Variants in HEXB observed in about 807,000 individuals in gnomAD.
The protein encoded by HEXB is hexosaminidase subunit beta, also known as beta-hexosaminidase subunit beta.
HEXB carries 51 observed loss-of-function variants against 71.2 expected under a neutral mutation model. That is an observed-to-expected ratio of 0.72 (90% CI 0.57 to 0.90). HEXB has a LOEUF of 0.90. Ranked by LOEUF, HEXB falls within the 40% of genes least tolerant of loss-of-function variation. HEXB has a pLI of 0.00. For missense variants in HEXB, 617 were observed against 677.0 expected (o/e 0.91, Z 0.98); for synonymous variants, 266 against 249.3 (o/e 1.07, Z -0.63).
intron 10 of HEXB, 59 bp downstream of exon 10, chr5:74,718,422 G>C: frequency 7.8e-7 from 1 of 1,285,820 alleles, no homozygotes; most frequent in Admixed American, 1.7e-5. Context: ...TTTTCTTGGG[G>C]CAACTGGGAA....
rs1196864057 is a variant in HEXB at position 74,652,188 on chromosome 5, C to T, written c.-377+11630C>T. On this transcript the variant is annotated intron_variant, in intron 1 of 13. Coordinates refer to the HEXB transcript ENST00000511181. This position sits in a 1 kb window ranked among gnomAD's most constrained non-coding sequence, Gnocchi z 5.4. ...AATAATTAATGTCCATTTAGAGTCA[C>T]AGTGGTTTACCTCTCAACAATCCCA... 1.3e-5 allele frequency among the ~76,000 whole-genome samples: 2 copies of T among 152,208 alleles called. No homozygotes were observed. The highest frequency in any genetic ancestry group is 2.9e-5 in the Non-Finnish European group (2 of 68,042).
intron 1 of HEXB, among the ~76,000 whole-genome samples, chr5:74,677,983 A>G (rs1486523678): frequency 1.3e-5 from 2 of 152,168 alleles, no homozygotes; most frequent in East Asian, 1.9e-4. Flanking sequence ...ATATCAAAGC[A>G]TAACTCAAAA....
intron 7 of HEXB, 88 bp downstream of exon 7, chr5:74,713,723 G>A (rs1309853049): frequency 9.2e-7 from 1 of 1,092,824 alleles, no homozygotes; most frequent in Non-Finnish European, 1.4e-6. Flanking sequence ...GAGTGCAGTA[G>A]TACAATCTCG....
intron 1 of HEXB, among the ~76,000 whole-genome samples, chr5:74,643,212 C>A (rs1747939457): frequency 6.6e-6 from 1 of 152,144 alleles, no homozygotes; most frequent in Non-Finnish European, 1.5e-5. Context: ...CTTATCTCAG[C>A]TGAAAATGAT....
In HEXB at chr5:74,641,397, G is replaced by T. The variant is rs1456562051; in HGVS notation, c.-377+839G>T. 6.6e-6 allele frequency: 1 copy of T among 152,294 alleles called. No homozygotes were observed. The highest frequency in any genetic ancestry group is 1.5e-5 in the Non-Finnish European group (1 of 68,084). 9.4% of individuals were successfully genotyped at this position (152,294 alleles called of 1,614,324 possible). ...ATGTGTCCTCCCTCCCCACTCCCCAGTGGGTGCGGCACCCCCGGCTGGACT... is the reference window on the plus strand; with the variant it reads ...ATGTGTCCTCCCTCCCCACTCCCCATTGGGTGCGGCACCCCCGGCTGGACT... On this transcript the variant is annotated intron_variant, in intron 1 of 13. Transcript: ENST00000511181. The surrounding 1 kb of genome is among the most constrained non-coding windows in gnomAD (Gnocchi z 4.1).
At chr5:74,720,577 C>G (rs1157042530) in intron 12 of HEXB, 59 bp downstream of exon 12, 2 of 1,593,306 alleles carry the variant, frequency 1.3e-6, no homozygotes, top group Non-Finnish European at 1.7e-6. Flanking sequence ...CCTTCTCTGT[C>G]TAAACACAAA....
intron 6 of HEXB, among the ~76,000 whole-genome samples, chr5:74,712,287 G>C (rs549281182): frequency 7.1e-6 from 1 of 139,902 alleles, no homozygotes; most frequent in South Asian, 2.5e-4. Flanking sequence ...GTTGTGGGGT[G>C]GGGGAGGGGG....
At chr5:74,688,447 G>C (rs1748922371) in intron 1 of HEXB, among the ~76,000 whole-genome samples, 1 of 151,634 alleles carries the variant, frequency 6.6e-6, no homozygotes, top group South Asian at 2.1e-4. Context: ...CAGTTCTCCT[G>C]CCTCAGCCTC....
At chr5:74,676,897 T>C (rs1371882262) in intron 1 of HEXB, among the ~76,000 whole-genome samples, 1 of 152,128 alleles carries the variant, frequency 6.6e-6, no homozygotes, top group Non-Finnish European at 1.5e-5. Flanking sequence ...TTTTGTTTTG[T>C]TTTGTTTGAG....
intron 1 of HEXB, among the ~76,000 whole-genome samples, chr5:74,669,208 C>T (rs993766039): frequency 6.6e-6 from 1 of 152,116 alleles, no homozygotes; most frequent in Non-Finnish European, 1.5e-5. Context: ...ATATACTATG[C>T]CATCACTAGC....
chr5:74,707,714 T>C (rs1287972275), intron 6 of HEXB, among the ~76,000 whole-genome samples: 3 of 151,720 alleles, frequency 2.0e-5, no homozygotes, highest in Non-Finnish European at 4.4e-5. Flanking sequence ...ATGAATGAAA[T>C]GAAGTGAGAA....
intron 6 of HEXB, among the ~76,000 whole-genome samples, chr5:74,706,432 C>G: frequency 6.6e-6 from 1 of 152,218 alleles, no homozygotes; most frequent in Non-Finnish European, 1.5e-5. Context: ...TAGGGAGTGC[C>G]AGACAGTGGG....
chr5:74,686,301 G>A (rs910645418), intron 1 of HEXB, among the ~76,000 whole-genome samples: 8 of 152,188 alleles, frequency 5.3e-5, no homozygotes, highest in African/African-American at 1.9e-4. Context: ...CCATAGACAA[G>A]GCAGGTTCCC....
chr5:74,715,716 TAAA>T (rs373945141), intron 8 of HEXB, 26 bp downstream of exon 8: 47 of 1,205,916 alleles, frequency 3.9e-5, no homozygotes, highest in East Asian at 5.1e-5. Context: ...AAAACCCCTT[TAAA>T]AAAAAAAAAA....
chr5:74,651,656 A>G (rs1359195772), intron 1 of HEXB, among the ~76,000 whole-genome samples: 1 of 152,212 alleles, frequency 6.6e-6, no homozygotes, highest in Non-Finnish European at 1.5e-5. Flanking sequence ...ACGATCATTG[A>G]CATATGATGA....
intron 1 of HEXB, among the ~76,000 whole-genome samples, chr5:74,679,044 A>G (rs899196163): frequency 1.1e-4 from 17 of 152,352 alleles, no homozygotes; most frequent in East Asian, 1.9e-4. Context: ...TGGGGGAAAA[A>G]TTGGCACTAT....
intron 1 of HEXB, among the ~76,000 whole-genome samples, chr5:74,642,877 C>T (rs2112061410): frequency 6.6e-6 from 1 of 152,246 alleles, no homozygotes; most frequent in East Asian, 1.9e-4. Context: ...TGCCACTTTC[C>T]TGTATCTTTT....
At chr5:74,720,280 C>T in intron 11 of HEXB, 148 bp from the exon 12 acceptor site, 1 of 687,358 alleles carries the variant, frequency 1.5e-6, no homozygotes. Context: ...TTTTTTGTGC[C>T]ACAACCATTA....
chr5:74,718,677 A>C, intron 10 of HEXB, 120 bp from the exon 11 acceptor site: 1 of 1,040,078 alleles, frequency 9.6e-7, no homozygotes, highest in Non-Finnish European at 1.5e-6. Flanking sequence ...GGAAAAAGAA[A>C]ATGCAGATTT....
Sources: allele counts gnomAD v4.1 joint callset (sites outside exome capture counted in the v4.1 genomes callset), GRCh38; gene constraint gnomAD v4.1.1; non-coding constraint Gnocchi (gnomAD v3.1); transcripts MANE v1.5; gene names NCBI Gene and HGNC (gene_info 2026-07-23, HGNC 2026-07-21).